The following TRIM69 variants were observed in gnomAD, a reference collection of about 807,000 sequenced individuals.
The protein encoded by TRIM69 is tripartite motif containing 69.
TRIM69 carries 29 observed loss-of-function variants against 37.7 expected under a neutral mutation model. The observed-to-expected ratio is 0.77, with a 90% CI of 0.57 to 1.05. The LOEUF is 1.05. Ranked by LOEUF, TRIM69 falls within the 50% of genes least tolerant of loss-of-function variation. TRIM69 has a pLI of 0.00. For missense variants in TRIM69, 596 were observed against 579.9 expected (o/e 1.03, Z -0.28); for synonymous variants, 209 against 212.4 (o/e 0.98, Z 0.14).
At chr15:44,746,741 C>A (rs917538693) in intron 1 of TRIM69, among the ~76,000 whole-genome samples, 1 of 90,652 alleles carries the variant, frequency 1.1e-5, no homozygotes, top group East Asian at 2.9e-4. Context: ...ACTCCCAGCA[C>A]GTGCACGTGC....
chr15:44,754,876 C>A, intron 1 of TRIM69, 24 bp from the exon 2 acceptor site: 1 of 1,538,120 alleles, frequency 6.5e-7, no homozygotes, highest in Non-Finnish European at 8.9e-7. Flanking sequence ...AAGATAAACT[C>A]ATTTTAGCTG....
chr15:44,765,786 A>G (rs2087874951), intron 6 of TRIM69, among the ~76,000 whole-genome samples: 1 of 141,966 alleles, frequency 7.0e-6, no homozygotes, highest in South Asian at 2.2e-4. Context: ...CAAACAAACA[A>G]AAAAAAAACA....
chr15:44,764,908 G>A (rs1596038362), intron 6 of TRIM69, among the ~76,000 whole-genome samples: 1 of 152,302 alleles, frequency 6.6e-6, no homozygotes, highest in East Asian at 1.9e-4. Context: ...GGAAAGTGTG[G>A]TAGGAGATGA....
At chr15:44,746,114 A>T (rs1319960101) in intron 1 of TRIM69, among the ~76,000 whole-genome samples, 1 of 152,200 alleles carries the variant, frequency 6.6e-6, no homozygotes, top group Non-Finnish European at 1.5e-5. Context: ...TCTTAAAAGT[A>T]GCAAGAGTGA....
intron 1 of TRIM69, among the ~76,000 whole-genome samples, chr15:44,745,847 T>C (rs1466832445): frequency 2.0e-5 from 3 of 152,034 alleles, no homozygotes; most frequent in East Asian, 1.9e-4. Context: ...ATTGAGATTA[T>C]GCTGAAGATC....
chr15:44,757,862 A>G (rs1164353652), intron 3 of TRIM69: 1 of 152,232 alleles, frequency 6.6e-6, no homozygotes, highest in African/African-American at 2.4e-5. Context: ...AGGTGCAATA[A>G]TAATTATGGA....
intron 1 of TRIM69, chr15:44,754,688 C>T: frequency 1.8e-6 from 1 of 541,388 alleles, no homozygotes; most frequent in Non-Finnish European, 3.3e-6. Context: ...CTGTTTCTTC[C>T]TCTGCCTTGA....
intron 6 of TRIM69, among the ~76,000 whole-genome samples, chr15:44,764,279 G>T (rs1342403675): frequency 2.6e-5 from 4 of 152,166 alleles, no homozygotes; most frequent in Non-Finnish European, 4.4e-5. Context: ...AAAACCAAAT[G>T]AGATTTATTT....
chr15:44,752,502 T>C (rs1467733962), intron 1 of TRIM69, among the ~76,000 whole-genome samples: 1 of 152,162 alleles, frequency 6.6e-6, no homozygotes, highest in Non-Finnish European at 1.5e-5. Flanking sequence ...TACTTTCAAC[T>C]TGTTTGTGTA....
intron 1 of TRIM69, among the ~76,000 whole-genome samples, chr15:44,739,404 C>T (rs943184136): frequency 1.1e-4 from 17 of 152,166 alleles, no homozygotes; most frequent in Middle Eastern, 3.2e-3. Context: ...GCGCACCGTG[C>T]GTGAGCCGAA....
At chr15:44,755,442 T>A in intron 2 of TRIM69, 66 bp downstream of exon 2, 1 of 1,182,256 alleles carries the variant, frequency 8.5e-7, no homozygotes, top group South Asian at 1.4e-5. Context: ...ATAGGGCTTC[T>A]TCTTTCTTCC....
chr15:44,738,058 T>A lies in TRIM69; in HGVS notation c.6+1348T>A, dbSNP rs7177200. 1.3e-4 allele frequency among the ~76,000 whole-genome samples: 3 copies of A among 22,502 alleles called. No individual in the cohort carries two copies. The East Asian group carries it at 8.7e-3, about 65-fold the overall frequency. The allele number at this position is 22,502 out of a possible 152,430, so 14.8% of individuals were successfully genotyped here. On this transcript the variant is annotated intron_variant, in intron 1 of 6. Transcript: ENST00000329464. ...AGATACATACTTTCTTTCTTTCTTTTTTTTTTTTTTTTTTTTTTAGGACAG... is the reference window on the plus strand; with the variant it reads ...AGATACATACTTTCTTTCTTTCTTTATTTTTTTTTTTTTTTTTTAGGACAG...
chr15:44,744,462 T>TA (rs1482842478), intron 1 of TRIM69, among the ~76,000 whole-genome samples: 2 of 151,096 alleles, frequency 1.3e-5, no homozygotes, highest in Non-Finnish European at 3.0e-5. Context: ...ATAATAATAA[T>TA]AAAAAAAATG....
At chr15:44,758,310 A>C in intron 3 of TRIM69, 1 of 402,692 alleles carries the variant, frequency 2.5e-6, no homozygotes, top group South Asian at 3.1e-5. Flanking sequence ...GGAGGGTATT[A>C]TCTTTCATTC....
rs2087705053 is a variant in TRIM69, at chr15:44,758,659, GT to G, written c.621del (p.Leu208Ter). 6.2e-7 allele frequency: 1 copy of G among 1,614,156 alleles called. No homozygotes were observed. Among genetic ancestry groups the G allele is most frequent in the African/African-American group, 1.3e-5 (1 of 75,046 alleles). Reference sequence around the variant, plus strand: ...ATCTGCAGCAACATGTGTCCATGGAGTTTCTAAAGCTGCATCAGTTCCTGCA... The same window carrying G: ...ATCTGCAGCAACATGTGTCCATGGAGTTCTAAAGCTGCATCAGTTCCTGCA... ...LHLQQHVSME[F>X]LKLHQFLHSK... On this transcript the variant is annotated frameshift_variant, in exon 4 of 7. Transcript: ENST00000329464. LOFTEE classifies it high-confidence loss of function.
rs1258898652 is a variant in TRIM69, at chr15:44,767,611, G to C, written c.1342G>C (p.Asp448His). The change falls in exon 7 of 7, where the codon GAT becomes CAT. Residue 448 changes from aspartate to histidine, a missense_variant. Coordinates refer to ENST00000329464, the MANE Select transcript of TRIM69 (RefSeq NM_182985.5). ...NNLDKVGIYL[D>H]YEGGQLSFYN... is the part of the protein sequence containing the mutation. Reference sequence around the variant, plus strand: ...CCTCGACAAGGTGGGCATATACCTGGATTATGAAGGAGGACAGTTGTCCTT... The same window carrying C: ...CCTCGACAAGGTGGGCATATACCTGCATTATGAAGGAGGACAGTTGTCCTT... 6.2e-7 allele frequency: 1 copy of C among 1,614,166 alleles called. No homozygotes were observed. The highest frequency in any genetic ancestry group is 8.5e-7 in the Non-Finnish European group (1 of 1,180,028).
Position 44,767,053 on chromosome 15 carries a change from C to CAAAAAA in TRIM69, c.962-152_962-147dup, listed in dbSNP as rs55736812. Among the ~76,000 whole-genome samples, 165 of 24,316 alleles carry CAAAAAA rather than the reference C, an allele frequency of 6.8e-3. 29 individuals carry two copies. The highest frequency in any genetic ancestry group is 0.012 in the African/African-American group (79 of 6,596). The allele number at this position is 24,316 out of a possible 152,430, so 16.0% of individuals were successfully genotyped here. A position where few individuals can be genotyped will look rare whatever the true frequency, so the allele number is the denominator to read the frequency against. On this transcript the variant is annotated intron_variant, in intron 6 of 6. Coordinates refer to ENST00000329464, the MANE Select transcript of TRIM69 (RefSeq NM_182985.5). ...CAGCCCTGGGCAACCTTGTCTGCCT[C>CAAAAAA]AAAAAAAAAAAAAAAAAAAAAAAAA...
At chr15:44,762,548 C>CT (rs2087798888) in intron 6 of TRIM69, among the ~76,000 whole-genome samples, 1 of 151,888 alleles carries the variant, frequency 6.6e-6, no homozygotes, top group African/African-American at 2.4e-5. Flanking sequence ...ATATTCAGTA[C>CT]TTTTTTAGCC....
chr15:44,767,683 T>A lies in TRIM69; in HGVS notation c.1414T>A (p.Phe472Ile). The change falls in exon 7 of 7, where the codon TTC becomes ATC. Residue 472 changes from phenylalanine (F) to isoleucine (I), a missense_variant. Phe to Ile is a conservative substitution (Grantham distance 21). Coordinates refer to ENST00000329464, the MANE Select transcript of TRIM69 (RefSeq NM_182985.5). ...TCACATTTACACCTTCAGTAACACT[T>A]TCATGGAGAAACTTTATCCCTACTT... The part of the protein sequence containing the change: ...MTHIYTFSNT[F>I]MEKLYPYFCP... 6.2e-7 allele frequency: 1 copy of A among 1,614,180 alleles called. No individual in the cohort carries two copies. Among genetic ancestry groups the A allele is most frequent in the Non-Finnish European group, 8.5e-7 (1 of 1,180,040 alleles).
Sources: allele counts gnomAD v4.1 joint callset (sites outside exome capture counted in the v4.1 genomes callset), GRCh38; gene constraint gnomAD v4.1.1; transcripts MANE v1.5; gene names NCBI Gene and HGNC (gene_info 2026-07-23, HGNC 2026-07-21).